The following IMMP2L variants were observed in gnomAD, a reference collection of about 807,000 sequenced individuals.
The protein encoded by IMMP2L is inner mitochondrial membrane peptidase subunit 2.
A neutral mutation model predicts 19.3 loss-of-function variants in IMMP2L; 18 were observed. The ratio of observed to expected loss-of-function variants is 0.93; its 90% CI spans 0.64 to 1.38. The LOEUF (loss-of-function observed/expected upper bound fraction) is 1.38. Ranked by LOEUF, IMMP2L falls within the 40% of genes most tolerant of loss-of-function variation. The probability of loss-of-function intolerance (pLI) is 0.00; values close to 1 mark genes in which losing one functional copy is unlikely to be tolerated. For missense variants in IMMP2L, 233 were observed against 218.2 expected (o/e 1.07, Z -0.43); for synonymous variants, 76 against 73.0 (o/e 1.04, Z -0.21).
chr7:111,234,002 C>G (rs1814008753), intron 3 of IMMP2L, among the ~76,000 whole-genome samples: 1 of 151,988 alleles, frequency 6.6e-6, no homozygotes, highest in Admixed American at 6.6e-5. Context: ...AAAAAGACAA[C>G]CCATTAACAA....
At chr7:110,986,616 G>T (rs1724521639) in intron 3 of IMMP2L, among the ~76,000 whole-genome samples, 2 of 152,072 alleles carry the variant, frequency 1.3e-5, no homozygotes, top group African/African-American at 4.8e-5. Flanking sequence ...CCAGCTAACA[G>T]AATTTTTAAA....
chr7:110,676,396 G>C (rs1445224163), intron 5 of IMMP2L, among the ~76,000 whole-genome samples: 33 of 152,218 alleles, frequency 2.2e-4, no homozygotes, highest in Admixed American at 2.2e-3. Flanking sequence ...GCTGTATTTG[G>C]CCTGAGGGCC....
At chr7:110,831,733 G>A (rs1181420143) in intron 5 of IMMP2L, among the ~76,000 whole-genome samples, 2 of 152,160 alleles carry the variant, frequency 1.3e-5, no homozygotes, top group East Asian at 1.9e-4. Flanking sequence ...CTGGCCTGAC[G>A]AAAATACTAG....
chr7:111,201,520 A>G (rs1810119745), intron 3 of IMMP2L, among the ~76,000 whole-genome samples: 1 of 152,056 alleles, frequency 6.6e-6, no homozygotes, highest in African/African-American at 2.4e-5. Flanking sequence ...GTTCAAGATC[A>G]GCCTGGGCAA....
At chr7:111,370,330 T>C (rs182230850) in intron 3 of IMMP2L, among the ~76,000 whole-genome samples, 1 of 152,034 alleles carries the variant, frequency 6.6e-6, no homozygotes, top group Non-Finnish European at 1.5e-5. Flanking sequence ...TTATAGTAAA[T>C]TAGAGAAATT....
chr7:111,330,160 A>G (rs1486456289), intron 3 of IMMP2L, among the ~76,000 whole-genome samples: 2 of 151,824 alleles, frequency 1.3e-5, no homozygotes, highest in Non-Finnish European at 2.9e-5. Flanking sequence ...TTGAACACAG[A>G]AAGAAAAGAG....
chr7:110,975,254 T>G (rs1288637832), intron 3 of IMMP2L, among the ~76,000 whole-genome samples: 1 of 152,096 alleles, frequency 6.6e-6, no homozygotes, highest in Non-Finnish European at 1.5e-5. Context: ...AATGACCATT[T>G]GAATCTCTTA....
chr7:110,738,260 T>A (rs1796767692), intron 5 of IMMP2L, among the ~76,000 whole-genome samples: 2 of 152,280 alleles, frequency 1.3e-5, no homozygotes, highest in Admixed American at 1.3e-4. Context: ...ATTAAGCTAA[T>A]CAAGGAGGCA....
chr7:110,938,961 TC>T (rs1816410473), intron 4 of IMMP2L, among the ~76,000 whole-genome samples: 1 of 152,142 alleles, frequency 6.6e-6, no homozygotes, highest in Non-Finnish European at 1.5e-5. Flanking sequence ...GCAACTGACT[TC>T]CGGACCACTT....
At chr7:111,175,144 G>C (rs1280155912) in intron 3 of IMMP2L, among the ~76,000 whole-genome samples, 1 of 151,778 alleles carries the variant, frequency 6.6e-6, no homozygotes, top group Non-Finnish European at 1.5e-5. Context: ...AAGAAGATTA[G>C]GATTAATTAC....
At chr7:111,320,235 T>A (rs142780947) in intron 3 of IMMP2L, among the ~76,000 whole-genome samples, 14 of 152,184 alleles carry the variant, frequency 9.2e-5, no homozygotes, top group African/African-American at 2.9e-4. Flanking sequence ...CACCTTCTTG[T>A]GTTTCTCCAT....
At chr7:111,133,565 A>C (rs955816825) in intron 3 of IMMP2L, among the ~76,000 whole-genome samples, 2 of 152,042 alleles carry the variant, frequency 1.3e-5, no homozygotes, top group Admixed American at 6.6e-5. Context: ...TAAAAATCAA[A>C]CTTCATTTTG....
intron 5 of IMMP2L, among the ~76,000 whole-genome samples, chr7:110,690,068 T>C (rs1226659127): frequency 1.3e-5 from 2 of 152,210 alleles, no homozygotes; most frequent in Non-Finnish European, 2.9e-5. Context: ...GCTTAGCCTT[T>C]CACTGAGGGG....
chr7:110,663,760 T>A, intron 5 of IMMP2L, 39 bp from the exon 6 acceptor site: 1 of 1,414,408 alleles, frequency 7.1e-7, no homozygotes. Flanking sequence ...AATAAAGAGA[T>A]CATTTTATAA....
chr7:110,806,565 C>A (rs1427214937), intron 5 of IMMP2L, among the ~76,000 whole-genome samples: 1 of 151,766 alleles, frequency 6.6e-6, no homozygotes, highest in Non-Finnish European at 1.5e-5. Flanking sequence ...AAATTCTTAA[C>A]AATCTTCAAA....
At chr7:111,543,956 C>T (rs1393732053) in intron 1 of IMMP2L, among the ~76,000 whole-genome samples, 1 of 152,112 alleles carries the variant, frequency 6.6e-6, no homozygotes, top group Non-Finnish European at 1.5e-5. Flanking sequence ...CAGTGTCCAT[C>T]TTATAGCTTT....
intron 4 of IMMP2L, among the ~76,000 whole-genome samples, chr7:110,898,383 T>C (rs1811534002): frequency 6.6e-6 from 1 of 152,154 alleles, no homozygotes; most frequent in Non-Finnish European, 1.5e-5. Context: ...ATCAAGTTCA[T>C]GGAAATATCC....
chr7:111,353,927 A>G (rs562441566), intron 3 of IMMP2L, among the ~76,000 whole-genome samples: 1 of 152,236 alleles, frequency 6.6e-6, no homozygotes, highest in East Asian at 1.9e-4. Context: ...AACATTTGAA[A>G]TATCAACCAT....
intron 2 of IMMP2L, among the ~76,000 whole-genome samples, chr7:111,497,497 A>G (rs1185714841): frequency 1.3e-5 from 2 of 152,274 alleles, no homozygotes; most frequent in South Asian, 2.1e-4. Flanking sequence ...TAAAAATTAC[A>G]TTGTGGAAAA....
Sources: gnomAD v4.1 joint callset for allele counts (sites outside exome capture counted in the v4.1 genomes callset) on GRCh38, gnomAD v4.1.1 for gene constraint, MANE v1.5 for transcripts, NCBI Gene and HGNC (gene_info 2026-07-23, HGNC 2026-07-21) for gene names.